TSNARE1: variants seen among roughly 807,000 people sequenced by gnomAD.
The protein encoded by TSNARE1 is t-SNARE domain containing 1, also known as t-SNARE domain-containing protein 1.
In TSNARE1, 49 loss-of-function variants were observed where a neutral mutation model predicts 62.0. The observed-to-expected ratio is 0.79, with a 90% confidence interval of 0.63 to 1.00. TSNARE1 has a LOEUF of 1.00. TSNARE1 is among the 50% of genes least tolerant of loss of function. The probability of loss-of-function intolerance (pLI) is 0.00; values close to 1 mark genes in which losing one functional copy is unlikely to be tolerated. For missense variants in TSNARE1, 755 were observed against 700.1 expected (o/e 1.08, Z -0.88); for synonymous variants, 328 against 294.4 (o/e 1.11, Z -1.17).
intron 6 of TSNARE1, among the ~76,000 whole-genome samples, chr8:142,320,795 C>T (rs1001615369): frequency 1.3e-5 from 2 of 152,250 alleles, no homozygotes; most frequent in African/African-American, 2.4e-5. Context: ...AGGCAGGTCA[C>T]GACTCACACT....
At chr8:142,345,947 G>C (rs983540221) in intron 2 of TSNARE1, 55 bp from the exon 3 acceptor site, 28 of 1,571,338 alleles carry the variant, frequency 1.8e-5, no homozygotes, top group Middle Eastern at 3.4e-4. Flanking sequence ...GCTCCTGGCA[G>C]TGCCAGGCCC....
At chr8:142,271,649 A>T in intron 12 of TSNARE1, 1 of 1,403,192 alleles carries the variant, frequency 7.1e-7, no homozygotes, top group East Asian at 2.9e-5. Context: ...CAGGGACCTC[A>T]GGGGCAGCCA....
chr8:142,300,784 G>T, intron 9 of TSNARE1, 140 bp from the exon 10 acceptor site: 1 of 823,420 alleles, frequency 1.2e-6, no homozygotes, highest in Non-Finnish European at 1.7e-6. Flanking sequence ...GTCTGAGGCG[G>T]GGGCCTTCTG....
chr8:142,327,875 C>A, intron 6 of TSNARE1, among the ~76,000 whole-genome samples: 1 of 152,192 alleles, frequency 6.6e-6, no homozygotes, highest in East Asian at 1.9e-4. Context: ...TCACCCAGAC[C>A]CCACTGCCAT....
At chr8:142,270,591 G>T in intron 12 of TSNARE1, 2 of 985,004 alleles carry the variant, frequency 2.0e-6, no homozygotes, top group Non-Finnish European at 2.4e-6. Context: ...TAGGGCAGAG[G>T]AGCCCTGCCC....
intron 12 of TSNARE1, among the ~76,000 whole-genome samples, chr8:142,264,134 T>C (rs1819024426): frequency 6.6e-6 from 1 of 152,246 alleles, no homozygotes; most frequent in South Asian, 2.1e-4. Flanking sequence ...CAATCATGTC[T>C]TTGTACCTAG....
intron 2 of TSNARE1, among the ~76,000 whole-genome samples, chr8:142,346,400 T>TCTCCCGG (rs1289576062): frequency 1.3e-5 from 2 of 152,216 alleles, no homozygotes; most frequent in Admixed American, 6.5e-5. Flanking sequence ...GTGCTCCCCA[T>TCTCCCGG]CTCCCGGCTC....
At chr8:142,261,001 T>A (rs76987394) in intron 12 of TSNARE1, among the ~76,000 whole-genome samples, 2 of 980 alleles carry the variant, frequency 2.0e-3, no homozygotes, top group Non-Finnish European at 3.9e-3. Context: ...GGGAGGGGGG[T>A]GGGGAGGGAG....
chr8:142,278,908 G>C, intron 11 of TSNARE1: 1 of 615,230 alleles, frequency 1.6e-6, no homozygotes, highest in Non-Finnish European at 2.0e-6. Context: ...GCTCCTCCCT[G>C]GCTCTGCCCA....
Position 142,284,418 on chromosome 8 carries a change from G to T in TSNARE1, c.1358C>A (p.Ala453Asp), listed in dbSNP as rs774296925. ...LASMVSEQGE[A>D]VDSIEASLEA... ...AGGCTGGGGCGGGTACCCACCAACA[G>T]CTTCTCCTTGCTCTGACACCATGGA... is the stretch of plus-strand genomic sequence containing the variant. The change falls in exon 11 of 14, where the codon GCT becomes GAT. Residue 453 changes from alanine (A) to aspartate (D), a missense_variant. Coordinates refer to ENST00000524325, the MANE Select transcript of TSNARE1 (RefSeq NM_145003.5). 1 of 1,613,048 alleles carries T rather than the reference G, an allele frequency of 6.2e-7. No homozygotes were observed.
chr8:142,283,190 G>C (rs1435643918), intron 11 of TSNARE1, among the ~76,000 whole-genome samples: 1 of 150,570 alleles, frequency 6.6e-6, no homozygotes, highest in Non-Finnish European at 1.5e-5. Context: ...GAGCGGAGGT[G>C]GGGCCACTGT....
At chr8:142,302,637 G>T (rs138764360) in intron 9 of TSNARE1, among the ~76,000 whole-genome samples, 177 of 152,280 alleles carry the variant, frequency 1.2e-3, no homozygotes, top group African/African-American at 4.1e-3. Context: ...CGCAAAGCAC[G>T]GGGTCCCAGC....
upstream of TSNARE1, chr8:142,403,516 G>C (rs193289561): frequency 9.2e-5 from 14 of 152,218 alleles, no homozygotes; most frequent in East Asian, 3.9e-4. Flanking sequence ...GACCTCACAC[G>C]GGCCAAAGCT....
At position 142,330,970 on chromosome 8, in the gene TSNARE1, A is replaced by T; in HGVS notation, c.824T>A (p.Val275Glu). The T allele has an allele frequency of 6.2e-7, 1 of 1,613,952 alleles. No homozygotes were observed. The highest frequency in any genetic ancestry group is 8.5e-7 in the Non-Finnish European group (1 of 1,179,936). ...CTGAAGGCTCCGCTCCAAGGAGGTC[A>T]CTGCCCGAGAGAAGAGGGACAGGGT... is the stretch of plus-strand genomic sequence containing the variant. Reference protein sequence around the residue: ...SANVFRINSSVTSLERSLQSL... With the variant: ...SANVFRINSSETSLERSLQSL... The change falls in exon 6 of 14, where the codon GTG (valine) becomes GAG (glutamate). Residue 275 changes from valine to glutamate, a missense_variant and splice_region_variant. By Grantham distance (121) the Val-to-Glu change is moderately radical. Coordinates refer to ENST00000524325, the MANE Select transcript of TSNARE1 (RefSeq NM_145003.5).
chr8:142,397,871 C>A (rs1161097596), intron 1 of TSNARE1, among the ~76,000 whole-genome samples: 1 of 152,170 alleles, frequency 6.6e-6, no homozygotes, highest in East Asian at 1.9e-4. Context: ...GGAGCCTGGC[C>A]CCTGCAGGCT....
intron 9 of TSNARE1, among the ~76,000 whole-genome samples, chr8:142,305,473 G>A (rs1360119663): frequency 1.3e-5 from 2 of 152,140 alleles, no homozygotes; most frequent in African/African-American, 4.8e-5. Flanking sequence ...GGACACCCAG[G>A]AAGGCGGCAG....
At chr8:142,217,326 AG>A (rs1563750170) in intron 13 of TSNARE1, among the ~76,000 whole-genome samples, 1 of 47,608 alleles carries the variant, frequency 2.1e-5, no homozygotes, top group Non-Finnish European at 5.2e-5. Flanking sequence ...AAAGAAAGAA[AG>A]AAAGAAAGAA....
At chr8:142,236,997 G>T (rs1817461409) in intron 12 of TSNARE1, among the ~76,000 whole-genome samples, 1 of 152,170 alleles carries the variant, frequency 6.6e-6, no homozygotes, top group African/African-American at 2.4e-5. Flanking sequence ...GGCAGGAAGG[G>T]AAGAGCCCAT....
intron 1 of TSNARE1, among the ~76,000 whole-genome samples, chr8:142,378,423 C>T (rs1230255699): frequency 6.6e-6 from 1 of 152,224 alleles, no homozygotes; most frequent in Non-Finnish European, 1.5e-5. Flanking sequence ...CGAGCAAAGA[C>T]AGCCATCAAA....
Sources: gnomAD v4.1 joint callset for allele counts (sites outside exome capture counted in the v4.1 genomes callset) on GRCh38, gnomAD v4.1.1 for gene constraint, MANE v1.5 for transcripts, NCBI Gene and HGNC (gene_info 2026-07-23, HGNC 2026-07-21) for gene names.